The following TEX9 variants were observed in gnomAD, a reference collection of about 807,000 sequenced individuals.
TEX9 encodes testis expressed 9.
TEX9 carries 74 observed loss-of-function variants against 59.6 expected under a neutral mutation model. That is an observed-to-expected ratio of 1.24 (90% confidence interval 1.03 to 1.51). The LOEUF is 1.51. Ranked by LOEUF, TEX9 falls within the 40% of genes most tolerant of loss-of-function variation. The probability of loss-of-function intolerance (pLI) is 0.00; values close to 1 mark genes in which losing one functional copy is unlikely to be tolerated. For missense variants in TEX9, 522 were observed against 447.8 expected (o/e 1.17, Z -1.49); for synonymous variants, 186 against 152.2 (o/e 1.22, Z -1.64).
intron 1 of TEX9, among the ~76,000 whole-genome samples, chr15:56,321,693 C>T (rs2045907778): frequency 6.6e-6 from 1 of 152,176 alleles, no homozygotes; most frequent in South Asian, 2.1e-4. Context: ...ATCTACATCA[C>T]ATTCCCATTA....
At chr15:56,338,787 G>A (rs1365509805) in intron 1 of TEX9, among the ~76,000 whole-genome samples, 7 of 152,050 alleles carry the variant, frequency 4.6e-5, no homozygotes, top group East Asian at 1.9e-4. Context: ...GCATGGTGGC[G>A]AGTGCCTTTA....
intron 1 of TEX9, among the ~76,000 whole-genome samples, chr15:56,331,921 T>A (rs932051739): frequency 7.3e-6 from 1 of 137,198 alleles, no homozygotes; most frequent in Non-Finnish European, 1.6e-5. Flanking sequence ...CACAATGAGA[T>A]ACCATCTCAC....
the TEX9 span, among the ~76,000 whole-genome samples, chr15:56,455,249 A>G: frequency 1.6e-3 from 6 of 3,764 alleles, no homozygotes; most frequent in South Asian, 0.023. Flanking sequence ...CGTCAGGTGA[A>G]AAAAAAAAAA....
intron 10 of TEX9, among the ~76,000 whole-genome samples, chr15:56,426,626 T>TATATATATATATACATACAC (rs1214988827): frequency 2.1e-5 from 1 of 47,178 alleles, no homozygotes; most frequent in Non-Finnish European, 5.0e-5. Context: ...TATATATATA[T>TATATATATATATACATACAC]ACACACACAC....
chr15:56,263,847 A>G lies in TEX9; in HGVS notation c.-107+19569A>G, dbSNP rs1468843181. ...TGGCTTCTTTTATGTAGAATTATAC[A>G]TCTCAGTTCATTTATGTTATTGTTT... On this transcript the variant is annotated intron_variant, in intron 1 of 5. Coordinates refer to the TEX9 transcript ENST00000560827. Among the ~76,000 whole-genome samples the G allele has an allele frequency of 4.6e-5, 7 of 152,266 alleles. No individual in the cohort carries two copies. In the East Asian group the frequency reaches 7.7e-4, roughly 17 times the overall value.
At chr15:56,432,840 C>G (rs1227550791) in intron 12 of TEX9, among the ~76,000 whole-genome samples, 2 of 152,172 alleles carry the variant, frequency 1.3e-5, no homozygotes, top group Non-Finnish European at 1.5e-5. Flanking sequence ...ATTATTTTGA[C>G]TCCTACTTTG....
chr15:56,404,303 C>T (rs1457717544), intron 9 of TEX9, among the ~76,000 whole-genome samples: 2 of 151,994 alleles, frequency 1.3e-5, no homozygotes, highest in African/African-American at 4.8e-5. Flanking sequence ...GAAAATCAAC[C>T]CCATCAAAAA....
chr15:56,285,585 T>G (rs1346525582), intron 1 of TEX9, among the ~76,000 whole-genome samples: 1 of 152,204 alleles, frequency 6.6e-6, no homozygotes, highest in African/African-American at 2.4e-5. Context: ...ATATTGTAGC[T>G]TTTTTCTTTG....
chr15:56,298,127 G>A (rs111586973), intron 1 of TEX9, among the ~76,000 whole-genome samples: 1 of 152,276 alleles, frequency 6.6e-6, no homozygotes, highest in African/African-American at 2.4e-5. Context: ...TATGGCTATT[G>A]TAATTTATTT....
upstream of TEX9, among the ~76,000 whole-genome samples, chr15:56,360,905 C>A (rs2046776992): frequency 6.6e-6 from 1 of 152,160 alleles, no homozygotes. Flanking sequence ...CTTGCTTTTC[C>A]TGTGGAAACT....
upstream of TEX9, among the ~76,000 whole-genome samples, chr15:56,361,350 C>T (rs574613946): frequency 6.6e-6 from 1 of 152,292 alleles, no homozygotes; most frequent in South Asian, 2.1e-4. Context: ...GCTAAGCACT[C>T]CAAGCACTGC....
intron 9 of TEX9, among the ~76,000 whole-genome samples, chr15:56,405,743 G>A (rs1281037919): frequency 1.3e-5 from 2 of 151,904 alleles, no homozygotes; most frequent in Non-Finnish European, 1.5e-5. Flanking sequence ...AACAAATCTC[G>A]GTGTACAGTT....
At chr15:56,263,886 TTTA>T (rs148585826) in intron 1 of TEX9, among the ~76,000 whole-genome samples, 7,094 of 152,314 alleles carry the variant, frequency 0.047, 232 homozygotes, top group East Asian at 0.095. Flanking sequence ...CCATTTGTTT[TTTA>T]TTAATGAGTA....
rs543138698 is a variant in TEX9 at position 56,259,246 on chromosome 15, A to G, written c.-107+14968A>G. ...GCCATTCTCATTCATTCATTTATGT[A>G]TTGTCTATGGCTGCCTTTGGACTAC... On this transcript the variant is annotated intron_variant, in intron 1 of 5. Transcript: ENST00000560827. Among the ~76,000 whole-genome samples, 68 of 152,116 alleles carry G rather than the reference A, an allele frequency of 4.5e-4. 3 individuals carry two copies. The South Asian group carries it at 0.013, about 30-fold the overall frequency.
intron 12 of TEX9, chr15:56,429,954 T>G (rs1278548999): frequency 2.0e-5 from 3 of 152,218 alleles, no homozygotes; most frequent in African/African-American, 7.2e-5. Context: ...TGAAATGTAT[T>G]AATTACATAT....
At chr15:56,433,366 A>T (rs964772016) in intron 12 of TEX9, among the ~76,000 whole-genome samples, 1 of 152,048 alleles carries the variant, frequency 6.6e-6, no homozygotes, top group South Asian at 2.1e-4. Context: ...ACCATGGCAC[A>T]TGTATACCTG....
chr15:56,343,439 T>A (rs1213379626), intron 1 of TEX9, among the ~76,000 whole-genome samples: 2 of 151,692 alleles, frequency 1.3e-5, no homozygotes, highest in Non-Finnish European at 2.9e-5. Context: ...TAGAGAAAAA[T>A]TAACAGGCTA....
chr15:56,434,083 T>C, intron 12 of TEX9: 1 of 1,538,832 alleles, frequency 6.5e-7, no homozygotes, highest in Non-Finnish European at 8.8e-7. Context: ...GGATGATAGA[T>C]GAGCTATTGC....
chr15:56,428,347 A>ATTGATTT lies in TEX9; in HGVS notation c.1099-17_1099-11dup. ...TACTCTTAATACTAAATCAGACAAT[A>ATTGATTT]TTGATTTTTTTTTTAACAGATGCAT... is the stretch of plus-strand genomic sequence containing the variant. On this transcript the variant is annotated intron_variant, in intron 11 of 12. Coordinates refer to ENST00000352903, the Ensembl canonical transcript of TEX9. 6.3e-7 allele frequency: 1 copy of ATTGATTT among 1,586,046 alleles called. No individual in the cohort carries two copies. The highest frequency in any genetic ancestry group is 2.2e-5 in the East Asian group (1 of 44,594).
Sources: allele counts gnomAD v4.1 joint callset (sites outside exome capture counted in the v4.1 genomes callset), GRCh38; gene constraint gnomAD v4.1.1; transcripts MANE v1.5; gene names NCBI Gene and HGNC (gene_info 2026-07-23, HGNC 2026-07-21).